The following ZRANB3 variants were observed in gnomAD, a reference collection of about 807,000 sequenced individuals.
ZRANB3 encodes zinc finger RANBP2-type containing 3.
ZRANB3 carries 125 observed loss-of-function variants against 133.8 expected under a neutral mutation model. The observed-to-expected ratio is 0.93, with a 90% CI of 0.81 to 1.08. ZRANB3 has a LOEUF of 1.08. Among genes scored for constraint, ZRANB3 ranks in the 50% least tolerant of loss-of-function variants. The probability of loss-of-function intolerance (pLI) is 0.00; values close to 1 mark genes in which losing one functional copy is unlikely to be tolerated. For synonymous variants in ZRANB3, 387 were observed against 432.7 expected (o/e 0.89, Z 1.31); for missense variants, 1,229 against 1,275.5 (o/e 0.96, Z 0.56).
chr2:135,454,089 C>T (rs542391316), intron 2 of ZRANB3, among the ~76,000 whole-genome samples: 13 of 152,290 alleles, frequency 8.5e-5, no homozygotes, highest in South Asian at 6.2e-4. Flanking sequence ...GTGCAAACCC[C>T]GATAAACCCA....
At chr2:135,336,698 A>G (rs1391786117) in intron 6 of ZRANB3, among the ~76,000 whole-genome samples, 1 of 152,222 alleles carries the variant, frequency 6.6e-6, no homozygotes, top group Non-Finnish European at 1.5e-5. Context: ...TTTATGAAAC[A>G]GGGTAGGCAT....
intron 3 of ZRANB3, among the ~76,000 whole-genome samples, chr2:135,362,765 A>C (rs938150432): frequency 2.6e-5 from 4 of 152,206 alleles, no homozygotes; most frequent in Non-Finnish European, 5.9e-5. Flanking sequence ...CTAGGATTAC[A>C]GGTGCACACC....
chr2:135,504,583 A>T, intron 1 of ZRANB3, 87 bp from the exon 2 acceptor site: 1 of 1,175,748 alleles, frequency 8.5e-7, no homozygotes, highest in East Asian at 2.6e-5. Context: ...AAATAATATT[A>T]AAGTACTTAT....
chr2:135,453,299 A>G (rs1232020834), intron 2 of ZRANB3, among the ~76,000 whole-genome samples: 4 of 152,192 alleles, frequency 2.6e-5, no homozygotes, highest in African/African-American at 9.6e-5. Flanking sequence ...GCTGCTGTGA[A>G]GGTCTCTGAC....
At chr2:135,238,393 C>CT (rs376967394) in intron 12 of ZRANB3, among the ~76,000 whole-genome samples, 32,136 of 138,440 alleles carry the variant, frequency 0.23, 5,017 homozygotes, top group African/African-American at 0.42. Flanking sequence ...TGCTGTGTGA[C>CT]TTTTTTTTTT....
chr2:135,441,174 T>C (rs995715305), intron 2 of ZRANB3, among the ~76,000 whole-genome samples: 2 of 152,084 alleles, frequency 1.3e-5, no homozygotes, highest in South Asian at 2.1e-4. Context: ...CCCACATAGA[T>C]ACATCAGGGT....
At chr2:135,293,404 A>G (rs1316057135) in intron 8 of ZRANB3, among the ~76,000 whole-genome samples, 116 of 151,860 alleles carry the variant, frequency 7.6e-4, no homozygotes, top group Non-Finnish European at 1.3e-3. Flanking sequence ...TTTGTCTGTT[A>G]TTGGTGTATA....
At chr2:135,367,671 T>C (rs1447312319) in intron 3 of ZRANB3, among the ~76,000 whole-genome samples, 3 of 152,176 alleles carry the variant, frequency 2.0e-5, no homozygotes, top group East Asian at 1.9e-4. Flanking sequence ...TTCTCTACGG[T>C]AGCATCTACA....
chr2:135,479,720 C>T (rs1691676652), intron 2 of ZRANB3, among the ~76,000 whole-genome samples: 2 of 151,914 alleles, frequency 1.3e-5, no homozygotes, highest in Non-Finnish European at 2.9e-5. Context: ...CTTTCAGACA[C>T]GGAGAGCCAA....
chr2:135,338,361 T>C (rs1349608792), intron 6 of ZRANB3, among the ~76,000 whole-genome samples: 3 of 152,214 alleles, frequency 2.0e-5, no homozygotes, highest in African/African-American at 7.2e-5. Context: ...ATCAATCTGA[T>C]CACTTGCCAC....
At chr2:135,382,822 A>C (rs1686780536) in intron 3 of ZRANB3, among the ~76,000 whole-genome samples, 3 of 152,318 alleles carry the variant, frequency 2.0e-5, no homozygotes, top group South Asian at 4.1e-4. Context: ...GTCTGCCCTA[A>C]AAGAGCTCCT....
At chr2:135,312,767 G>A (rs1320290231) in intron 8 of ZRANB3, among the ~76,000 whole-genome samples, 2 of 152,010 alleles carry the variant, frequency 1.3e-5, no homozygotes, top group African/African-American at 4.8e-5. Context: ...TGTAATCCCA[G>A]CAGTTTGGAA....
intron 20 of ZRANB3, among the ~76,000 whole-genome samples, chr2:135,201,694 T>A (rs928406027): frequency 1.3e-4 from 19 of 151,300 alleles, no homozygotes; most frequent in Admixed American, 1.3e-3. Flanking sequence ...AGTAAAGAGT[T>A]CATACTTTAT....
intron 2 of ZRANB3, among the ~76,000 whole-genome samples, chr2:135,423,615 G>T (rs1558990357): frequency 2.0e-5 from 3 of 151,936 alleles, no homozygotes; most frequent in Non-Finnish European, 4.4e-5. Flanking sequence ...ATTTTTTCAG[G>T]GGACACAATT....
chr2:135,486,557 T>C (rs1184824717), intron 2 of ZRANB3, among the ~76,000 whole-genome samples: 1 of 151,920 alleles, frequency 6.6e-6, no homozygotes, highest in African/African-American at 2.4e-5. Context: ...CTCTGTTGCA[T>C]AGGTTGAAGT....
chr2:135,384,186 C>G (rs1254622299), intron 3 of ZRANB3, among the ~76,000 whole-genome samples: 2 of 152,050 alleles, frequency 1.3e-5, no homozygotes, highest in African/African-American at 4.8e-5. Context: ...CACAGAAATG[C>G]AAATTACCAA....
intron 17 of ZRANB3, among the ~76,000 whole-genome samples, chr2:135,213,363 A>G (rs931357469): frequency 9.2e-5 from 14 of 152,242 alleles, no homozygotes; most frequent in Non-Finnish European, 1.8e-4. Flanking sequence ...ATCCTTATAC[A>G]GACTGCCAGT....
chr2:135,472,280 C>A (rs1208566875), intron 2 of ZRANB3, among the ~76,000 whole-genome samples: 1 of 152,082 alleles, frequency 6.6e-6, no homozygotes, highest in African/African-American at 2.4e-5. Context: ...GCAGGCAGAT[C>A]ACAAGGTCAG....
At chr2:135,475,467 T>G (rs1208125733) in intron 2 of ZRANB3, among the ~76,000 whole-genome samples, 1 of 152,250 alleles carries the variant, frequency 6.6e-6, no homozygotes, top group Non-Finnish European at 1.5e-5. Context: ...CTGGGCATCA[T>G]GTTGTCATGC....
Sources: allele counts gnomAD v4.1 joint callset (sites outside exome capture counted in the v4.1 genomes callset), GRCh38; gene constraint gnomAD v4.1.1; transcripts MANE v1.5; gene names NCBI Gene and HGNC (gene_info 2026-07-23, HGNC 2026-07-21).